Variants in GALNT7 observed in about 807,000 individuals in gnomAD.
GALNT7 encodes the protein polypeptide N-acetylgalactosaminyltransferase 7.
A neutral mutation model predicts 82.1 loss-of-function variants in GALNT7; 60 were observed. The ratio of observed to expected loss-of-function variants is 0.73; its 90% CI spans 0.59 to 0.91. The LOEUF (loss-of-function observed/expected upper bound fraction) is 0.91. Ranked by LOEUF, GALNT7 falls within the 40% of genes least tolerant of loss-of-function variation. The probability of loss-of-function intolerance (pLI) is 0.00; values close to 1 mark genes in which losing one functional copy is unlikely to be tolerated. For synonymous variants in GALNT7, 243 were observed against 275.1 expected (o/e 0.88, Z 1.15); for missense variants, 660 against 804.2 (o/e 0.82, Z 2.17).
intron 1 of GALNT7, among the ~76,000 whole-genome samples, chr4:173,223,872 C>T (rs1283928690): frequency 6.6e-6 from 1 of 152,122 alleles, no homozygotes; most frequent in Non-Finnish European, 1.5e-5. Flanking sequence ...TTAGGTAAAA[C>T]ATTATTGATA....
At chr4:173,177,862 A>G (rs1460310874) in intron 1 of GALNT7, among the ~76,000 whole-genome samples, 1 of 152,178 alleles carries the variant, frequency 6.6e-6, no homozygotes, top group African/African-American at 2.4e-5. Context: ...GGTCGTGAAG[A>G]GTCATCTTCA....
chr4:173,259,893 C>T (rs963005874), intron 2 of GALNT7, among the ~76,000 whole-genome samples: 2 of 152,202 alleles, frequency 1.3e-5, no homozygotes, highest in Non-Finnish European at 2.9e-5. Context: ...CCACCTCAGC[C>T]TCCCAAAGTA....
At chr4:173,308,354 A>T (rs1460357044) in intron 8 of GALNT7, among the ~76,000 whole-genome samples, 1 of 152,218 alleles carries the variant, frequency 6.6e-6, no homozygotes, top group Non-Finnish European at 1.5e-5. Flanking sequence ...AACTCAAAAA[A>T]GTCTGACACT....
intron 1 of GALNT7, among the ~76,000 whole-genome samples, chr4:173,205,877 G>A: frequency 6.6e-6 from 1 of 152,026 alleles, no homozygotes. Flanking sequence ...CATGAAGTCT[G>A]GGGCTAATGG....
intron 1 of GALNT7, among the ~76,000 whole-genome samples, chr4:173,230,225 T>A (rs1416077261): frequency 2.0e-5 from 3 of 152,168 alleles, no homozygotes; most frequent in Non-Finnish European, 2.9e-5. Flanking sequence ...GTTGCACCAC[T>A]TCAGCAGCTT....
chr4:173,316,113 AG>A (rs1737590339), intron 9 of GALNT7: 1 of 152,312 alleles, frequency 6.6e-6, no homozygotes. Context: ...CTATGAGTGA[AG>A]ACAAAGTCCT....
chr4:173,217,112 A>G (rs1248425211), intron 1 of GALNT7, among the ~76,000 whole-genome samples: 6 of 152,142 alleles, frequency 3.9e-5, no homozygotes, highest in Non-Finnish European at 8.8e-5. Context: ...TTATCAGATC[A>G]GTCACTCATC....
chr4:173,189,964 T>G (rs1472592248), intron 1 of GALNT7, among the ~76,000 whole-genome samples: 1 of 152,178 alleles, frequency 6.6e-6, no homozygotes, highest in Non-Finnish European at 1.5e-5. Flanking sequence ...AATATAGATT[T>G]GGCTACTATA....
At chr4:173,178,007 C>CTCTG (rs1478850695) in intron 1 of GALNT7, among the ~76,000 whole-genome samples, 153 of 137,764 alleles carry the variant, frequency 1.1e-3, no homozygotes, top group African/African-American at 4.1e-3. Context: ...ATCCGCAAGT[C>CTCTG]TGTGTGTGTG....
At chr4:173,178,068 C>G in intron 1 of GALNT7, among the ~76,000 whole-genome samples, 1 of 147,400 alleles carries the variant, frequency 6.8e-6, no homozygotes, top group East Asian at 2.0e-4. Context: ...CACGCGCGTG[C>G]GCACAGACAC....
chr4:173,195,304 A>T (rs11731971), intron 1 of GALNT7, among the ~76,000 whole-genome samples: 1 of 152,132 alleles, frequency 6.6e-6, no homozygotes, highest in Non-Finnish European at 1.5e-5. Context: ...CAGGAAGAAC[A>T]GTCTTCCAAA....
intron 1 of GALNT7, among the ~76,000 whole-genome samples, chr4:173,189,472 C>T (rs1005418637): frequency 6.6e-6 from 1 of 152,302 alleles, no homozygotes; most frequent in African/African-American, 2.4e-5. Context: ...TTTCAGTTAT[C>T]GGAAACTCAT....
intron 1 of GALNT7, among the ~76,000 whole-genome samples, chr4:173,216,380 T>C (rs564192502): frequency 1.2e-3 from 176 of 152,264 alleles, no homozygotes; most frequent in African/African-American, 4.0e-3. Context: ...GGGCGTAATG[T>C]GTTACTGGGC....
chr4:173,210,986 T>C (rs767743580), intron 1 of GALNT7, among the ~76,000 whole-genome samples: 118 of 152,298 alleles, frequency 7.7e-4, no homozygotes, highest in Non-Finnish European at 1.3e-3. Flanking sequence ...TTCAAAAGAA[T>C]GTATCAGCGT....
intron 1 of GALNT7, among the ~76,000 whole-genome samples, chr4:173,214,391 A>C (rs546501378): frequency 6.6e-6 from 1 of 152,056 alleles, no homozygotes; most frequent in Non-Finnish European, 1.5e-5. Context: ...TTAACTTGCA[A>C]TTTGGCCCAG....
chr4:173,208,820 A>T (rs1031417772), intron 1 of GALNT7, among the ~76,000 whole-genome samples: 5 of 152,198 alleles, frequency 3.3e-5, no homozygotes, highest in Admixed American at 2.0e-4. Flanking sequence ...TAGAAATTTT[A>T]AAATTTTTAT....
At chr4:173,300,682 A>G (rs1736890498) in intron 6 of GALNT7, among the ~76,000 whole-genome samples, 1 of 152,064 alleles carries the variant, frequency 6.6e-6, no homozygotes, top group Non-Finnish European at 1.5e-5. Context: ...ATGCAGGCGC[A>G]TGTGGAGGAG....
At position 173,292,734 on chromosome 4, in the gene GALNT7, C is replaced by T. The variant is rs76453983; in HGVS notation, c.754+460C>T. On this transcript the variant is annotated intron_variant, in intron 3 of 11. Transcript: ENST00000265000. The surrounding 1 kb of genome is among the most constrained non-coding windows in gnomAD (Gnocchi z 4.8). ...TTGAAACTGTACACATATGTTAGCA[C>T]GAATAAATAGAAATATGGCCTATTT... is the stretch of plus-strand genomic sequence containing the variant. 1.8e-3 allele frequency among the ~76,000 whole-genome samples: 278 copies of T among 152,260 alleles called. 5 individuals carry two copies. Among genetic ancestry groups the T allele is most frequent in the African/African-American group, 6.4e-3 (267 of 41,552 alleles).
At position 173,318,549 on chromosome 4, in the gene GALNT7, A is replaced by T. The variant is rs1316626834; in HGVS notation, c.1826A>T (p.Gln609Leu). The change falls in exon 11 of 12, where the codon CAG becomes CTG. Residue 609 changes from glutamine (Q) to leucine (L), a missense_variant. This residue lies in a region of GALNT7 where 527 missense variants were observed against 683.5 expected (regional missense o/e 0.77). Coordinates refer to ENST00000265000, the MANE Select transcript of GALNT7 (RefSeq NM_017423.3). The part of the protein sequence containing the change: ...HCNLNEFKEW[Q>L]YFKNLHRFTH... ...AATCTAAATGAATTTAAGGAATGGC[A>T]GTACTTCAAGGTATTCTGCATTTTA... The T allele has an allele frequency of 6.4e-7, 1 of 1,559,240 alleles. No homozygotes were observed. The highest frequency in any genetic ancestry group is 1.1e-5 in the South Asian group (1 of 89,300).
Sources: gnomAD v4.1 joint callset for allele counts (sites outside exome capture counted in the v4.1 genomes callset) on GRCh38, gnomAD v4.1.1 for gene constraint, gnomAD v4.1.1 regional missense constraint, Gnocchi (gnomAD v3.1) non-coding constraint, MANE v1.5 for transcripts, NCBI Gene and HGNC (gene_info 2026-07-23, HGNC 2026-07-21) for gene names.